Variants in ADGRA2 observed in about 807,000 individuals in gnomAD.
ADGRA2 encodes the protein G-protein coupled receptor 124.
A neutral mutation model predicts 98.7 loss-of-function variants in ADGRA2; 61 were observed. That is an observed-to-expected ratio of 0.62 (90% CI 0.50 to 0.76). The LOEUF is 0.76. ADGRA2 is among the 30% of genes least tolerant of loss of function. ADGRA2 has a pLI of 0.00. For synonymous variants in ADGRA2, 858 were observed against 831.5 expected, an observed-to-expected ratio of 1.03 and a Z score of -0.55; for missense variants, 1,712 against 1,860.0, an observed-to-expected ratio of 0.92 and a Z score of 1.46.
intron 7 of ADGRA2, 122 bp downstream of exon 7, chr8:37,831,045 T>C (rs1320211563): frequency 4.3e-6 from 3 of 703,644 alleles, no homozygotes; most frequent in Middle Eastern, 4.0e-4. Flanking sequence ...CTTGTATATT[T>C]ATGGAAAGAC....
Position 37,829,530 on chromosome 8 carries a change from C to T in ADGRA2, c.525C>T (p.Val175=), listed in dbSNP as rs1805392160. Reference sequence around the variant, plus strand: ...TCTTCTCCAGTCTGCAACCTGGGGTCTTTGATGAGCTGCCAGCCCTTAAGG... The same window carrying T: ...TCTTCTCCAGTCTGCAACCTGGGGTTTTTGATGAGCTGCCAGCCCTTAAGG... ...GNIFSSLQPG[V]FDELPALKVV... is the part of the protein sequence containing the mutation. Residue 175 remains valine (V), a synonymous_variant, in exon 5 of 19, where the codon GTC becomes GTT. Transcript: ENST00000412232. The T allele has an allele frequency of 6.2e-7, 1 of 1,613,262 alleles. No individual in the cohort carries two copies. The highest frequency in any genetic ancestry group is 1.3e-5 in the African/African-American group (1 of 74,890).
At position 37,842,055 on chromosome 8, in the gene ADGRA2, C is replaced by A. The variant is rs1449467021; in HGVS notation, c.3717C>A (p.Gly1239=). 1 of 1,517,340 alleles carries A rather than the reference C, an allele frequency of 6.6e-7. No individual in the cohort carries two copies. Among genetic ancestry groups the A allele is most frequent in the Non-Finnish European group, 8.8e-7 (1 of 1,140,156 alleles). The allele number at this position is 1,517,340 out of a possible 1,614,324, so 94.0% of individuals were successfully genotyped here. ...TGGGCAGCAGCCGCAACAGCCCGGG[C>A]GCCGGCCTGCAGCTGGAAGGCGAGC... ...SYLGSSRNSP[G]AGLQLEGEPM... Residue 1239 remains glycine (G), a synonymous_variant, in exon 19 of 19, where the codon GGC becomes GGA. Transcript: ENST00000412232.
chr8:37,829,842 AC>A lies in ADGRA2; in HGVS notation c.555-6del. The A allele has an allele frequency of 1.2e-6, 2 of 1,606,522 alleles. No homozygotes were observed. Among genetic ancestry groups the A allele is most frequent in the African/African-American group, 1.3e-5 (1 of 74,798 alleles). On this transcript the variant is annotated splice_polypyrimidine_tract_variant and splice_region_variant and intron_variant, in intron 5 of 18. Transcript: ENST00000412232. Reference sequence around the variant, plus strand: ...GCTCTGCTCCGTGACCCCTCTGCCCACCCTGCAGGGACTTGGGCACCGAGTT... The same window carrying A: ...GCTCTGCTCCGTGACCCCTCTGCCCACCTGCAGGGACTTGGGCACCGAGTT...
intron 1 of ADGRA2, among the ~76,000 whole-genome samples, chr8:37,811,900 T>G (rs1804842410): frequency 6.7e-6 from 1 of 150,034 alleles, no homozygotes; most frequent in Non-Finnish European, 1.5e-5. Flanking sequence ...GTCAGGAGTT[T>G]GAGACCAACC....
intron 16 of ADGRA2, 126 bp from the exon 17 acceptor site, chr8:37,839,995 G>C: frequency 1.2e-6 from 1 of 838,590 alleles, no homozygotes; most frequent in African/African-American, 1.7e-5. Context: ...TGGGGAGTGG[G>C]CTGGGTAAAG....
At chr8:37,837,670 G>C in intron 13 of ADGRA2, 61 bp from the exon 14 acceptor site, 2 of 1,404,826 alleles carry the variant, frequency 1.4e-6, no homozygotes, top group Non-Finnish European at 2.0e-6. Flanking sequence ...CTGAGTCCCG[G>C]CTGAGCCCAC....
chr8:37,797,510 T>G lies in ADGRA2; in HGVS notation c.242T>G (p.Leu81Arg). The change falls in exon 1 of 19, where the codon CTT becomes CGT. Residue 81 changes from leucine (L) to arginine (R), a missense_variant. Leu to Arg is a moderately radical substitution (Grantham distance 102). Transcript: ENST00000412232. This position sits in a 1 kb window ranked among gnomAD's most constrained non-coding sequence, Gnocchi z 5.3. ...CTCCCGGAGCCTCCCGAGCCCGGCC[T>G]TCTGCCTAACGGCACCGTTACCCTG... is the stretch of plus-strand genomic sequence containing the variant. Reference protein sequence around the residue: ...GDLPEPPEPGLLPNGTVTLLL... With the variant: ...GDLPEPPEPGRLPNGTVTLLL... The G allele has an allele frequency of 2.1e-6, 3 of 1,404,078 alleles. No individual in the cohort carries two copies. Among genetic ancestry groups the G allele is most frequent in the Non-Finnish European group, 2.8e-6 (3 of 1,075,440 alleles). The allele number at this position is 1,404,078 out of a possible 1,614,324, so 87.0% of individuals were successfully genotyped here.
Position 37,835,482 on chromosome 8 carries a change from G to C in ADGRA2, c.1834-72G>C. 3 of 1,501,494 alleles carry C rather than the reference G, an allele frequency of 2.0e-6. No homozygotes were observed. In the South Asian group the frequency reaches 3.4e-5, roughly 17 times the overall value. 93.0% of individuals were successfully genotyped at this position (1,501,494 alleles called of 1,614,324 possible). A position where few individuals can be genotyped will look rare whatever the true frequency, so the allele number is the denominator to read the frequency against. On this transcript the variant is annotated intron_variant, in intron 12 of 18. Coordinates refer to ENST00000412232, the MANE Select transcript of ADGRA2 (RefSeq NM_032777.10). ...TGGTGGGGGCAGTGAGAGGAGGTGG[G>C]AGGAGGGGGCTGCAAGACATCAGTG...
chr8:37,816,054 G>A (rs1284028621), intron 2 of ADGRA2, among the ~76,000 whole-genome samples: 1 of 152,188 alleles, frequency 6.6e-6, no homozygotes, highest in Admixed American at 6.5e-5. Flanking sequence ...AAAAGAATAA[G>A]GTGTGACTCT....
intron 2 of ADGRA2, among the ~76,000 whole-genome samples, chr8:37,817,741 G>A (rs1319944218): frequency 6.6e-6 from 1 of 152,076 alleles, no homozygotes; most frequent in African/African-American, 2.4e-5. Flanking sequence ...AATAGGCCAG[G>A]CATGGTGGCT....
intron 2 of ADGRA2, among the ~76,000 whole-genome samples, chr8:37,823,249 A>G (rs1246851632): frequency 7.1e-6 from 1 of 141,794 alleles, no homozygotes. Flanking sequence ...CTAGAGTGCT[A>G]GAGTGCAGTG....
intron 1 of ADGRA2, among the ~76,000 whole-genome samples, chr8:37,809,013 G>A (rs1804752269): frequency 6.6e-6 from 1 of 152,122 alleles, no homozygotes; most frequent in East Asian, 1.9e-4. Flanking sequence ...AGTAGAGATG[G>A]GATTTCACCA....
chr8:37,839,104 G>A (rs1805708010), intron 15 of ADGRA2, 21 bp downstream of exon 15: 3 of 1,606,698 alleles, frequency 1.9e-6, no homozygotes, highest in Non-Finnish European at 2.5e-6. Flanking sequence ...CTGCAGGAGG[G>A]AGGGCGTGGT....
chr8:37,843,849 G>A lies in ADGRA2; in HGVS notation c.*1494G>A, dbSNP rs1805892056. ...TTTTTGCAATATGCTGGGGAAAGGG[G>A]AGGGAGGGAATGAAAGTGCCAAAGA... is the stretch of plus-strand genomic sequence containing the variant. On this transcript the variant is annotated 3_prime_UTR_variant, in exon 19 of 19. Transcript: ENST00000412232. The A allele has an allele frequency of 2.6e-5, 4 of 152,840 alleles. No individual in the cohort carries two copies. 9.5% of individuals were successfully genotyped at this position (152,840 alleles called of 1,614,324 possible).
chr8:37,830,711 G>A lies in ADGRA2; in HGVS notation c.720G>A (p.Glu240=), dbSNP rs770670326. 4 of 1,582,132 alleles carry A rather than the reference G, an allele frequency of 2.5e-6. No individual in the cohort carries two copies. In the South Asian group the frequency reaches 3.4e-5, roughly 13 times the overall value. ...GSLQEAQLCC[E]GALELHTHHL... ...CACGCCTGGTGTCTCCTCCCACAGA[G>A]GGGGCCCTGGAGCTGCACACACACC... The change falls in exon 7 of 19, where the codon GAG becomes GAA. Residue 240 remains glutamate (E), a splice_region_variant and synonymous_variant. Coordinates refer to ENST00000412232, the MANE Select transcript of ADGRA2 (RefSeq NM_032777.10). This position sits in a 1 kb window ranked among gnomAD's most constrained non-coding sequence, Gnocchi z 4.8.
At chr8:37,811,124 A>C (rs1207806578) in intron 1 of ADGRA2, among the ~76,000 whole-genome samples, 7 of 143,558 alleles carry the variant, frequency 4.9e-5, no homozygotes, top group African/African-American at 1.4e-4. Context: ...AAAAACAAAA[A>C]AAAAAAAAAA....
chr8:37,841,602 T>C lies in ADGRA2; in HGVS notation c.3264T>C (p.Ser1088=). 6.4e-7 allele frequency: 1 copy of C among 1,567,420 alleles called. No individual in the cohort carries two copies. Among genetic ancestry groups the C allele is most frequent in the Non-Finnish European group, 8.6e-7 (1 of 1,156,984 alleles). The part of the protein sequence containing the change: ...ASWRACCPPA[S]PAAPHAPPRA... ...GGCGCGCCTGCTGCCCCCCTGCCTC[T>C]CCCGCGGCCCCCCATGCCCCGCCCC... Residue 1088 remains serine, a synonymous_variant, in exon 19 of 19, where the codon TCT becomes TCC. Transcript: ENST00000412232. This position sits in a 1 kb window ranked among gnomAD's most constrained non-coding sequence, Gnocchi z 5.0.
At position 37,829,998 on chromosome 8, in the gene ADGRA2, G is replaced by A; in HGVS notation, c.702G>A (p.Glu234=). 6.3e-7 allele frequency: 1 copy of A among 1,580,716 alleles called. No individual in the cohort carries two copies. The highest frequency in any genetic ancestry group is 1.3e-5 in the African/African-American group (1 of 74,428). The part of the protein sequence containing the change: ...LHAQALGSLQ[E]AQLCCEGALE... ...CTCAGGCCCTGGGCAGCCTCCAGGAGGCCCAGCTCTGCTGCGGTGAGCAAG... is the reference window on the plus strand; with the variant it reads ...CTCAGGCCCTGGGCAGCCTCCAGGAAGCCCAGCTCTGCTGCGGTGAGCAAG... The change falls in exon 6 of 19, where the codon GAG becomes GAA. Residue 234 remains glutamate (E), a synonymous_variant. Coordinates refer to ENST00000412232, the MANE Select transcript of ADGRA2 (RefSeq NM_032777.10).
rs1159766421 is a variant in ADGRA2, at chr8:37,833,698, A to G, written c.1307A>G (p.Asn436Ser). The G allele has an allele frequency of 3.1e-6, 5 of 1,613,980 alleles. No homozygotes were observed. The highest frequency in any genetic ancestry group is 2.7e-5 in the African/African-American group (2 of 74,928). Residue 436 changes from asparagine to serine, a missense_variant, in exon 10 of 19, where the codon AAT becomes AGT. By Grantham distance (46) the Asn-to-Ser change is conservative. Transcript: ENST00000412232. Reference sequence around the variant, plus strand: ...TCCCCCAATCCCCAGATGCCCATCAATGCCTCCAATGCGCTGACCCTGGCT... The same window carrying G: ...TCCCCCAATCCCCAGATGCCCATCAGTGCCTCCAATGCGCTGACCCTGGCT... ...VLYTFVLMPI[N>S]ASNALTLAHQ...
Sources: allele counts gnomAD v4.1 joint callset (sites outside exome capture counted in the v4.1 genomes callset), GRCh38; gene constraint gnomAD v4.1.1; non-coding constraint Gnocchi (gnomAD v3.1); transcripts MANE v1.5; gene names NCBI Gene and HGNC (gene_info 2026-07-23, HGNC 2026-07-21).